Variants in SGO2 observed in about 807,000 individuals in gnomAD.
The protein encoded by SGO2 is shugoshin-like 2.
Under a neutral mutation model 99.5 loss-of-function variants are expected in SGO2, and 68 were observed. The ratio of observed to expected loss-of-function variants is 0.68; its 90% CI spans 0.56 to 0.84. SGO2 has a LOEUF of 0.84. Ranked by LOEUF, SGO2 falls within the 40% of genes least tolerant of loss-of-function variation. The probability of loss-of-function intolerance (pLI) is 0.00; values close to 1 mark genes in which losing one functional copy is unlikely to be tolerated. For synonymous variants in SGO2, 457 were observed against 487.1 expected (o/e 0.94, Z 0.81); for missense variants, 1,350 against 1,436.7 (o/e 0.94, Z 0.97).
Position 200,573,487 on chromosome 2 carries a change from C to A in SGO2, c.3141C>A (p.Ser1047Arg), listed in dbSNP as rs758613944. The change falls in exon 7 of 9, where the codon AGC becomes AGA. Residue 1047 changes from serine to arginine, a missense_variant. Ser to Arg is a moderately radical substitution (Grantham distance 110, BLOSUM62 -1). Transcript: ENST00000357799. ...PVELCKTQKQ[S>R]TTTLNKKDLP... is the part of the protein sequence containing the mutation. Reference sequence around the variant, plus strand: ...AACTATGTAAGACTCAGAAGCAAAGCACTACCACTTTGAATAAAAAAGATC... The same window carrying A: ...AACTATGTAAGACTCAGAAGCAAAGAACTACCACTTTGAATAAAAAAGATC... 6.2e-7 allele frequency: 1 copy of A among 1,612,632 alleles called. No individual in the cohort carries two copies. Among genetic ancestry groups the A allele is most frequent in the South Asian group, 1.1e-5 (1 of 90,780 alleles).
intron 5 of SGO2, among the ~76,000 whole-genome samples, chr2:200,553,882 A>G (rs547827493): frequency 4.8e-4 from 73 of 152,258 alleles, no homozygotes; most frequent in Non-Finnish European, 9.3e-4. Flanking sequence ...GACATTATTT[A>G]CTTACCGCAG....
intron 8 of SGO2, among the ~76,000 whole-genome samples, chr2:200,582,965 C>T (rs377416212): frequency 1.3e-5 from 2 of 152,126 alleles, no homozygotes; most frequent in African/African-American, 2.4e-5. Context: ...GAGAGCAATA[C>T]ACAAACGCTT....
rs1399117507 is a variant in SGO2, at chr2:200,571,530, T to C, written c.1184T>C (p.Met395Thr). ...KSNKKTNEHG[M>T]KTFRKVKDSS... ...AATAAAAAAACAAATGAACATGGAATGAAAACTTTCAGAAAAGTGAAAGAT... is the reference window on the plus strand; with the variant it reads ...AATAAAAAAACAAATGAACATGGAACGAAAACTTTCAGAAAAGTGAAAGAT... Residue 395 changes from methionine (M) to threonine (T), a missense_variant, in exon 7 of 9, where the codon ATG becomes ACG. Transcript: ENST00000357799. The C allele has an allele frequency of 1.9e-6, 3 of 1,612,080 alleles. No individual in the cohort carries two copies. The highest frequency in any genetic ancestry group is 2.2e-5 in the East Asian group (1 of 44,838).
intron 4 of SGO2, among the ~76,000 whole-genome samples, chr2:200,540,578 T>C (rs779272693): frequency 2.4e-4 from 36 of 152,206 alleles, no homozygotes; most frequent in Non-Finnish European, 4.4e-4. Flanking sequence ...GGGGGGAGGT[T>C]GTTACTACTG....
chr2:200,571,549 GA>G lies in SGO2; in HGVS notation c.1206del (p.Asp403IlefsTer58). On this transcript the variant is annotated frameshift_variant, in exon 7 of 9. Coordinates refer to ENST00000357799, the MANE Select transcript of SGO2 (RefSeq NM_152524.6). LOFTEE classifies it high-confidence loss of function. ...ATGGAATGAAAACTTTCAGAAAAGT[GA>G]AAGATTCCAGCTCTGAAAAAAAGAG... ...EHGMKTFRKV[K>X]DSSSEKKRER... is the part of the protein sequence containing the mutation. 1 of 1,612,364 alleles carries G rather than the reference GA, an allele frequency of 6.2e-7. No homozygotes were observed. Among genetic ancestry groups the G allele is most frequent in the Non-Finnish European group, 8.5e-7 (1 of 1,179,544 alleles).
chr2:200,552,817 T>G (rs1004376028), intron 5 of SGO2, among the ~76,000 whole-genome samples: 1 of 152,148 alleles, frequency 6.6e-6, no homozygotes, highest in Non-Finnish European at 1.5e-5. Context: ...TTTGCTGACT[T>G]CCTGTCTCAT....
chr2:200,543,967 A>G (rs926779354), intron 5 of SGO2, among the ~76,000 whole-genome samples: 1 of 152,200 alleles, frequency 6.6e-6, no homozygotes, highest in Admixed American at 6.5e-5. Context: ...AATATTACCA[A>G]CATCTCAGAT....
At chr2:200,578,101 T>C (rs955472275) in intron 8 of SGO2, among the ~76,000 whole-genome samples, 31 of 141,346 alleles carry the variant, frequency 2.2e-4, no homozygotes, top group African/African-American at 7.9e-4. Context: ...GATTTCTCCC[T>C]TTCCTTCTAC....
chr2:200,542,376 T>C (rs2032003217), intron 4 of SGO2, among the ~76,000 whole-genome samples: 1 of 152,186 alleles, frequency 6.6e-6, no homozygotes, highest in African/African-American at 2.4e-5. Context: ...TACCAAAATG[T>C]TGGCAGTGAT....
chr2:200,578,574 A>G (rs1559222094), intron 8 of SGO2, among the ~76,000 whole-genome samples: 2 of 152,218 alleles, frequency 1.3e-5, no homozygotes, highest in African/African-American at 4.8e-5. Flanking sequence ...AGAGGGCTTC[A>G]TCTTCTTCTT....
chr2:200,571,116 C>T lies in SGO2; in HGVS notation c.770C>T (p.Ser257Phe), dbSNP rs1477967479. 1.2e-6 allele frequency: 2 copies of T among 1,613,376 alleles called. No individual in the cohort carries two copies. Among genetic ancestry groups the T allele is most frequent in the East Asian group, 4.5e-5 (2 of 44,868 alleles). Residue 257 changes from serine (S) to phenylalanine (F), a missense_variant, in exon 7 of 9, where the codon TCT becomes TTT. Transcript: ENST00000357799. ...ATGAGTGAGATGAGAAACGCCCAGT[C>T]TATTGGCCGCAGATGGGAGAAACCA... ...SLMSEMRNAQ[S>F]IGRRWEKPSP...
At chr2:200,566,464 G>C (rs1014755557) in intron 5 of SGO2, among the ~76,000 whole-genome samples, 1 of 152,302 alleles carries the variant, frequency 6.6e-6, no homozygotes, top group South Asian at 2.1e-4. Flanking sequence ...GGCCATATGA[G>C]GTGTCAGTCG....
chr2:200,548,415 A>G (rs182179201), intron 5 of SGO2, among the ~76,000 whole-genome samples: 4 of 152,304 alleles, frequency 2.6e-5, no homozygotes, highest in Admixed American at 2.6e-4. Flanking sequence ...AAATTTTCTT[A>G]AATGAAAAGG....
chr2:200,528,205 T>C (rs1334464329), intron 1 of SGO2, among the ~76,000 whole-genome samples: 1 of 152,184 alleles, frequency 6.6e-6, no homozygotes. Context: ...ACTGGAGAGT[T>C]TTTTTTAACA....
intron 8 of SGO2, among the ~76,000 whole-genome samples, chr2:200,577,936 G>A (rs2033717734): frequency 6.6e-6 from 1 of 152,086 alleles, no homozygotes; most frequent in Non-Finnish European, 1.5e-5. Flanking sequence ...TAACTGTGAA[G>A]TCACAATCTT....
intron 4 of SGO2, among the ~76,000 whole-genome samples, chr2:200,540,088 A>G (rs2031891196): frequency 6.6e-6 from 1 of 151,274 alleles, no homozygotes; most frequent in African/African-American, 2.4e-5. Flanking sequence ...GTTTGCTGAG[A>G]TGTTCCATTT....
chr2:200,549,604 C>T (rs553305521), intron 5 of SGO2, among the ~76,000 whole-genome samples: 1 of 152,270 alleles, frequency 6.6e-6, no homozygotes, highest in Admixed American at 6.5e-5. Flanking sequence ...TCAGCAGACA[C>T]AAATCAATCA....
intron 4 of SGO2, among the ~76,000 whole-genome samples, chr2:200,541,158 C>T (rs2031942795): frequency 6.6e-6 from 1 of 152,222 alleles, no homozygotes; most frequent in South Asian, 2.1e-4. Context: ...AAGGTCCTGC[C>T]TCTTAATACC....
chr2:200,556,657 T>C (rs910291122), intron 5 of SGO2, among the ~76,000 whole-genome samples: 2 of 152,144 alleles, frequency 1.3e-5, no homozygotes, highest in Non-Finnish European at 2.9e-5. Flanking sequence ...CAAGCTGCCA[T>C]AGTGAAAAGA....
Sources: gnomAD v4.1 joint callset for allele counts (sites outside exome capture counted in the v4.1 genomes callset) on GRCh38, gnomAD v4.1.1 for gene constraint, MANE v1.5 for transcripts, NCBI Gene and HGNC (gene_info 2026-07-23, HGNC 2026-07-21) for gene names.